ARHGAP15: variants seen among roughly 807,000 people sequenced by gnomAD.
The protein encoded by ARHGAP15 is rho GTPase-activating protein 15.
In ARHGAP15, 51 loss-of-function variants were observed where a neutral mutation model predicts 63.7. The ratio of observed to expected loss-of-function variants is 0.80; its 90% CI spans 0.64 to 1.01. ARHGAP15 has a LOEUF of 1.01. Ranked by LOEUF, ARHGAP15 falls within the 50% of genes least tolerant of loss-of-function variation. The pLI is 0.00. For synonymous variants in ARHGAP15, 191 were observed against 193.8 expected, an observed-to-expected ratio of 0.99 and a Z score of 0.12; for missense variants, 560 against 564.6, an observed-to-expected ratio of 0.99 and a Z score of 0.08.
chr2:143,588,692 A>T (rs146357190), intron 11 of ARHGAP15, among the ~76,000 whole-genome samples: 108 of 152,240 alleles, frequency 7.1e-4, no homozygotes, highest in African/African-American at 2.5e-3. Flanking sequence ...ATAGTATCCC[A>T]TGGAAATTTT....
At chr2:143,757,638 G>A (rs1372484055) in intron 13 of ARHGAP15, among the ~76,000 whole-genome samples, 1 of 152,124 alleles carries the variant, frequency 6.6e-6, no homozygotes, top group Non-Finnish European at 1.5e-5. Flanking sequence ...CAAATCAATG[G>A]AGAGTGGTGG....
At chr2:143,500,097 C>A (rs1692985747) in intron 9 of ARHGAP15, among the ~76,000 whole-genome samples, 1 of 151,760 alleles carries the variant, frequency 6.6e-6, no homozygotes, top group South Asian at 2.1e-4. Flanking sequence ...TATAATACAG[C>A]CCTTTTTCAA....
chr2:143,194,941 C>T (rs1419928951), intron 2 of ARHGAP15, among the ~76,000 whole-genome samples: 1 of 152,096 alleles, frequency 6.6e-6, no homozygotes, highest in Admixed American at 6.6e-5. Flanking sequence ...TTCCCTTTGG[C>T]TATCTGGGAT....
chr2:143,377,497 A>G (rs946694743), intron 6 of ARHGAP15, among the ~76,000 whole-genome samples: 1 of 151,858 alleles, frequency 6.6e-6, no homozygotes, highest in Non-Finnish European at 1.5e-5. Flanking sequence ...TTCTGCCTTT[A>G]TTTACCTTTA....
At chr2:143,278,748 T>C (rs1304358640) in intron 6 of ARHGAP15, among the ~76,000 whole-genome samples, 1 of 152,134 alleles carries the variant, frequency 6.6e-6, no homozygotes, top group Non-Finnish European at 1.5e-5. Context: ...TTATTTATAG[T>C]TTAATAAAAA....
chr2:143,416,836 C>A (rs1223871058), intron 6 of ARHGAP15, among the ~76,000 whole-genome samples: 1 of 82,050 alleles, frequency 1.2e-5, no homozygotes, highest in Non-Finnish European at 2.5e-5. Flanking sequence ...CCCACCCCCA[C>A]GCCCCCACGC....
Position 143,280,929 on chromosome 2 carries a change from A to G in ARHGAP15, c.474+30329A>G, listed in dbSNP as rs546314593. ...TGACAAATGCAAAAAGAACACCCCT[A>G]TATTTTGCTAGAAGAAAAAACATTT... On this transcript the variant is annotated intron_variant, in intron 6 of 13. Coordinates refer to ENST00000295095, the MANE Select transcript of ARHGAP15 (RefSeq NM_018460.4). Among the ~76,000 whole-genome samples the G allele has an allele frequency of 1.5e-4, 23 of 152,260 alleles. No individual in the cohort carries two copies. In the South Asian group the frequency reaches 3.5e-3, roughly 23 times the overall value.
At chr2:143,563,759 T>A (rs1412296673) in intron 11 of ARHGAP15, among the ~76,000 whole-genome samples, 1 of 152,182 alleles carries the variant, frequency 6.6e-6, no homozygotes, top group Non-Finnish European at 1.5e-5. Flanking sequence ...AATTAATAAG[T>A]AGTTATTAAA....
intron 13 of ARHGAP15, among the ~76,000 whole-genome samples, chr2:143,719,590 G>A (rs550395059): frequency 3.1e-4 from 47 of 151,942 alleles, no homozygotes; most frequent in African/African-American, 1.1e-3. Context: ...CCAGAGCCAC[G>A]TACTTCCCCT....
At chr2:143,435,882 C>T (rs1056165745) in intron 7 of ARHGAP15, among the ~76,000 whole-genome samples, 183 bp downstream of exon 7, 6 of 151,974 alleles carry the variant, frequency 3.9e-5, no homozygotes, top group Admixed American at 1.3e-4. Context: ...GTAGAACTGT[C>T]GTTTAATTTC....
intron 6 of ARHGAP15, among the ~76,000 whole-genome samples, chr2:143,379,104 A>G (rs1686941166): frequency 6.6e-6 from 1 of 152,042 alleles, no homozygotes; most frequent in Admixed American, 6.6e-5. Context: ...AAATTTCCAC[A>G]TATGCACTCA....
At chr2:143,198,467 T>C (rs1691976600) in intron 2 of ARHGAP15, among the ~76,000 whole-genome samples, 1 of 151,956 alleles carries the variant, frequency 6.6e-6, no homozygotes, top group Admixed American at 6.6e-5. Flanking sequence ...TTATTTAAAC[T>C]TAAATAGCTT....
chr2:143,310,388 C>T (rs1243914728), intron 6 of ARHGAP15, among the ~76,000 whole-genome samples: 1 of 151,892 alleles, frequency 6.6e-6, no homozygotes, highest in Non-Finnish European at 1.5e-5. Flanking sequence ...AAATCATTTC[C>T]TACAGAATCA....
At chr2:143,451,541 A>G (rs1375865543) in intron 8 of ARHGAP15, among the ~76,000 whole-genome samples, 2 of 151,896 alleles carry the variant, frequency 1.3e-5, no homozygotes, top group South Asian at 2.1e-4. Flanking sequence ...ATTTTTTTCT[A>G]TGAAAAAATT....
Position 143,262,070 on chromosome 2 carries a change from C to T in ARHGAP15, c.474+11470C>T, listed in dbSNP as rs543484466. ...CCTACCCTGTAGAACCAGGAAATAT[C>T]CACAGCAGATAGTAAAAGATGTGTA... On this transcript the variant is annotated intron_variant, in intron 6 of 13. Coordinates refer to ENST00000295095, the MANE Select transcript of ARHGAP15 (RefSeq NM_018460.4). Among the ~76,000 whole-genome samples, 3 of 152,196 alleles carry T rather than the reference C, an allele frequency of 2.0e-5. No individual in the cohort carries two copies. The South Asian group carries it at 6.2e-4, about 32-fold the overall frequency.
At chr2:143,755,203 A>C (rs1170167327) in intron 13 of ARHGAP15, among the ~76,000 whole-genome samples, 2 of 150,506 alleles carry the variant, frequency 1.3e-5, no homozygotes, top group Non-Finnish European at 3.0e-5. Context: ...TTGATGGGGA[A>C]CTCATAGCCT....
chr2:143,141,369 G>C (rs1453681962), intron 1 of ARHGAP15, among the ~76,000 whole-genome samples: 3 of 152,136 alleles, frequency 2.0e-5, no homozygotes. Context: ...ATGGGACCAA[G>C]TGTCTATAAT....
At chr2:143,361,607 A>T (rs1185385559) in intron 6 of ARHGAP15, among the ~76,000 whole-genome samples, 1 of 151,970 alleles carries the variant, frequency 6.6e-6, no homozygotes, top group African/African-American at 2.4e-5. Context: ...GCTCAAACCT[A>T]CCCTCTGTCT....
intron 11 of ARHGAP15, among the ~76,000 whole-genome samples, chr2:143,613,444 A>T (rs1158378679): frequency 1.3e-5 from 2 of 152,196 alleles, no homozygotes; most frequent in Non-Finnish European, 2.9e-5. Context: ...CAGCATGTGG[A>T]GACCAACATA....
Sources: gnomAD v4.1 joint callset for allele counts (sites outside exome capture counted in the v4.1 genomes callset) on GRCh38, gnomAD v4.1.1 for gene constraint, MANE v1.5 for transcripts, NCBI Gene and HGNC (gene_info 2026-07-23, HGNC 2026-07-21) for gene names.